ST3GAL3: variants seen among roughly 807,000 people sequenced by gnomAD.
ST3GAL3 encodes the protein CMP-N-acetylneuraminate-beta-1,4-galactoside alpha-2,3-sialyltransferase.
Under a neutral mutation model 50.1 loss-of-function variants are expected in ST3GAL3, and 21 were observed. The observed-to-expected ratio is 0.42, with a 90% CI of 0.30 to 0.60. The LOEUF (loss-of-function observed/expected upper bound fraction) is 0.60, where lower values mean the gene tolerates loss of function less well. Ranked by LOEUF, ST3GAL3 falls within the 20% of genes least tolerant of loss-of-function variation. The probability of loss-of-function intolerance (pLI) is 0.19; values close to 1 mark genes in which losing one functional copy is unlikely to be tolerated. For missense variants in ST3GAL3, 353 were observed against 489.4 expected (o/e 0.72, Z 2.63); for synonymous variants, 183 against 190.0 (o/e 0.96, Z 0.30).
At chr1:43,758,939 G>A (rs928630229) in intron 2 of ST3GAL3, among the ~76,000 whole-genome samples, 3 of 151,818 alleles carry the variant, frequency 2.0e-5, no homozygotes, top group African/African-American at 7.3e-5. Flanking sequence ...TACTCAGGAG[G>A]AGGCTGAGGT....
intron 2 of ST3GAL3, among the ~76,000 whole-genome samples, chr1:43,789,008 T>A (rs2057712379): frequency 6.6e-6 from 1 of 151,860 alleles, no homozygotes; most frequent in Non-Finnish European, 1.5e-5. Context: ...CATGAAGGCA[T>A]GCATCTCTTG....
intron 5 of ST3GAL3, among the ~76,000 whole-genome samples, chr1:43,876,855 T>A (rs2074209535): frequency 6.6e-6 from 1 of 152,242 alleles, no homozygotes; most frequent in South Asian, 2.1e-4. Flanking sequence ...ATTCATTCAT[T>A]ACCTATAATA....
intron 6 of ST3GAL3, among the ~76,000 whole-genome samples, chr1:43,895,726 G>A (rs1233606213): frequency 6.6e-6 from 1 of 152,146 alleles, no homozygotes; most frequent in East Asian, 1.9e-4. Flanking sequence ...AGACCTCCAA[G>A]GACAAATCTA....
intron 2 of ST3GAL3, among the ~76,000 whole-genome samples, chr1:43,744,263 T>C (rs1682470711): frequency 6.6e-6 from 1 of 152,174 alleles, no homozygotes; most frequent in Non-Finnish European, 1.5e-5. Flanking sequence ...ATCTTCTTTT[T>C]TTTTTAGACA....
At chr1:43,761,950 CAA>C (rs67747915) in intron 2 of ST3GAL3, among the ~76,000 whole-genome samples, 20 of 68,844 alleles carry the variant, frequency 2.9e-4, no homozygotes, top group African/African-American at 1.8e-3. Flanking sequence ...CACTCTGTCT[CAA>C]AAAAAAAAAA....
chr1:43,835,377 G>A (rs1266282311), intron 4 of ST3GAL3, among the ~76,000 whole-genome samples: 1 of 152,162 alleles, frequency 6.6e-6, no homozygotes, highest in African/African-American at 2.4e-5. Flanking sequence ...GGATAGTCAG[G>A]AGGCCATTTC....
chr1:43,781,732 G>C (rs1699424820), intron 2 of ST3GAL3, among the ~76,000 whole-genome samples: 1 of 152,166 alleles, frequency 6.6e-6, no homozygotes, highest in Non-Finnish European at 1.5e-5. Context: ...TCCACCTACA[G>C]AGAAAGTTTT....
intron 2 of ST3GAL3, among the ~76,000 whole-genome samples, chr1:43,751,187 C>T (rs889572249): frequency 1.1e-4 from 17 of 152,124 alleles, no homozygotes; most frequent in East Asian, 1.9e-4. Flanking sequence ...AATGATGGTA[C>T]GTAATTGTTA....
chr1:43,771,331 A>G (rs183727326), intron 2 of ST3GAL3, among the ~76,000 whole-genome samples: 2 of 151,844 alleles, frequency 1.3e-5, no homozygotes, highest in African/African-American at 4.8e-5. Flanking sequence ...AAATCATTAT[A>G]TTTAAATAAG....
chr1:43,721,002 T>C (rs183261622), intron 1 of ST3GAL3, among the ~76,000 whole-genome samples: 2 of 152,218 alleles, frequency 1.3e-5, no homozygotes, highest in East Asian at 1.9e-4. Flanking sequence ...TCTAGCACTT[T>C]GGGAGGCCTA....
intron 5 of ST3GAL3, among the ~76,000 whole-genome samples, chr1:43,848,868 A>G (rs1222761151): frequency 6.6e-6 from 1 of 151,928 alleles, no homozygotes; most frequent in Non-Finnish European, 1.5e-5. Context: ...CATTTTGGAT[A>G]GTTTATATTG....
chr1:43,802,913 C>T (rs1257829734), intron 3 of ST3GAL3, among the ~76,000 whole-genome samples: 1 of 152,058 alleles, frequency 6.6e-6, no homozygotes, highest in Non-Finnish European at 1.5e-5. Context: ...TATGGCCTCA[C>T]AGTTGGTTGG....
chr1:43,897,049 T>A (rs78490198), intron 6 of ST3GAL3, among the ~76,000 whole-genome samples: 2 of 141,800 alleles, frequency 1.4e-5, no homozygotes, highest in African/African-American at 5.1e-5. Context: ...TTTTTTTTTT[T>A]AATGGCTGTA....
At chr1:43,801,660 C>A in intron 3 of ST3GAL3, 1 of 232,218 alleles carries the variant, frequency 4.3e-6, no homozygotes, top group Non-Finnish European at 8.8e-6. Context: ...TATTACAGAA[C>A]TGTGATGAAC....
At chr1:43,861,584 T>C (rs1473747523) in intron 5 of ST3GAL3, among the ~76,000 whole-genome samples, 1 of 152,216 alleles carries the variant, frequency 6.6e-6, no homozygotes, top group African/African-American at 2.4e-5. Context: ...GATGCTTCAA[T>C]TAATAAATTA....
At chr1:43,913,613 G>A (rs2081305917) in intron 9 of ST3GAL3, 1 of 152,090 alleles carries the variant, frequency 6.6e-6, no homozygotes, top group African/African-American at 2.4e-5. Context: ...GGGGAAACAC[G>A]GAAATGCCCA....
chr1:43,904,888 A>C (rs1367833078), intron 9 of ST3GAL3, among the ~76,000 whole-genome samples: 37 of 85,696 alleles, frequency 4.3e-4, no homozygotes, highest in Non-Finnish European at 5.8e-4. Flanking sequence ...TCTTCCCGCC[A>C]CTCTTCCTCC....
In ST3GAL3 at chr1:43,877,774, G is replaced by A. The variant is rs550989736; in HGVS notation, c.303-16609G>A. Among the ~76,000 whole-genome samples the A allele has an allele frequency of 2.0e-5, 3 of 152,308 alleles. No homozygotes were observed. The South Asian group carries it at 6.2e-4, about 32-fold the overall frequency. On this transcript the variant is annotated intron_variant, in intron 5 of 11. Transcript: ENST00000347631. The stretch of plus-strand genomic sequence containing the variant: ...CTGGGACTGTAAGCAATGATTGGAT[G>A]CAGAGCAGATAGTGGTCAGCAATGA...
At chr1:43,905,754 C>CCCT (rs2079380806) in intron 9 of ST3GAL3, among the ~76,000 whole-genome samples, 1 of 122,130 alleles carries the variant, frequency 8.2e-6, no homozygotes, top group East Asian at 2.5e-4. Flanking sequence ...CTCTTCCTCC[C>CCCT]CCTCCTCCTG....
Sources: gnomAD v4.1 joint callset for allele counts (sites outside exome capture counted in the v4.1 genomes callset) on GRCh38, gnomAD v4.1.1 for gene constraint, MANE v1.5 for transcripts, NCBI Gene and HGNC (gene_info 2026-07-23, HGNC 2026-07-21) for gene names.